BAZ2B: variants seen among roughly 807,000 people sequenced by gnomAD.
The protein encoded by BAZ2B is bromodomain adjacent to zinc finger domain 2B, also known as bromodomain adjacent to zinc finger domain protein 2B.
A neutral mutation model predicts 246.0 loss-of-function variants in BAZ2B; 91 were observed. That is an observed-to-expected ratio of 0.37 (90% confidence interval 0.31 to 0.44). BAZ2B has a LOEUF of 0.44. BAZ2B is among the 20% of genes least tolerant of loss of function. The pLI, the probability that BAZ2B is intolerant of heterozygous loss-of-function variation, is 1.00. For missense variants in BAZ2B, 2,332 were observed against 2,533.7 expected (o/e 0.92, Z 1.71); for synonymous variants, 855 against 860.0 (o/e 0.99, Z 0.10).
chr2:159,512,646 G>A (rs1027846508), intron 2 of BAZ2B, among the ~76,000 whole-genome samples: 1 of 152,132 alleles, frequency 6.6e-6, no homozygotes, highest in Non-Finnish European at 1.5e-5. Context: ...ATTCCAACAA[G>A]CTTGGGTTCA....
chr2:159,323,357 G>A (rs1326970198), intron 36 of BAZ2B, among the ~76,000 whole-genome samples: 9 of 152,060 alleles, frequency 5.9e-5, no homozygotes, highest in Non-Finnish European at 1.2e-4. Flanking sequence ...TGAGGTTTAC[G>A]TTAATCTTTT....
intron 25 of BAZ2B, among the ~76,000 whole-genome samples, chr2:159,378,031 T>C (rs996421573): frequency 2.6e-5 from 4 of 152,192 alleles, no homozygotes; most frequent in East Asian, 1.9e-4. Context: ...TCCCAGTACA[T>C]AGTTGTCCAA....
chr2:159,658,115 T>C, the BAZ2B span, among the ~76,000 whole-genome samples: 3 of 152,180 alleles, frequency 2.0e-5, no homozygotes, highest in African/African-American at 7.2e-5. Context: ...TATTCTCAGT[T>C]TGAAAAAGAT....
At chr2:159,378,104 ACTAATT>A (rs1325535837) in intron 25 of BAZ2B, among the ~76,000 whole-genome samples, 2 of 152,208 alleles carry the variant, frequency 1.3e-5, no homozygotes, top group African/African-American at 2.4e-5. Flanking sequence ...AAAAGAGGCT[ACTAATT>A]CTATGAAAAG....
chr2:159,443,087 T>A (rs995251100), intron 6 of BAZ2B, among the ~76,000 whole-genome samples: 1 of 152,202 alleles, frequency 6.6e-6, no homozygotes, highest in Non-Finnish European at 1.5e-5. Flanking sequence ...ATTCAATTTT[T>A]AATTTTTTGA....
chr2:159,398,874 T>C lies in BAZ2B; in HGVS notation c.2919A>G (p.Glu973=), dbSNP rs1423712847. The C allele has an allele frequency of 6.2e-7, 1 of 1,611,178 alleles. No individual in the cohort carries two copies. Residue 973 remains glutamate (E), a synonymous_variant, in exon 18 of 37, where the codon GAA becomes GAG. Coordinates refer to ENST00000392783, the MANE Select transcript of BAZ2B (RefSeq NM_013450.4). ...CCAATAATTTGGCATTTGCCGCTTC[T>C]TCCTTCTTTTTCTTTTTAGCCTGTG... ...QILEAKKKKK[E]EAANAKLLEA...
chr2:159,547,865 T>G (rs2087596427), intron 2 of BAZ2B, among the ~76,000 whole-genome samples: 1 of 152,202 alleles, frequency 6.6e-6, no homozygotes, highest in Non-Finnish European at 1.5e-5. Flanking sequence ...CAAGGGATTG[T>G]GTAACATTAC....
chr2:159,703,312 T>C, the BAZ2B span, among the ~76,000 whole-genome samples: 2 of 151,806 alleles, frequency 1.3e-5, no homozygotes, highest in Non-Finnish European at 2.9e-5. Flanking sequence ...CAGGCTGGTC[T>C]TGAACTCCTG....
the BAZ2B span, chr2:159,711,960 A>G: frequency 1.3e-5 from 2 of 152,046 alleles, no homozygotes; most frequent in African/African-American, 4.8e-5. Flanking sequence ...ACAGGCTCCA[A>G]CTCTTAAGGG....
intron 2 of BAZ2B, among the ~76,000 whole-genome samples, chr2:159,543,718 T>C (rs2086940823): frequency 6.6e-6 from 1 of 152,192 alleles, no homozygotes; most frequent in East Asian, 1.9e-4. Flanking sequence ...GTATTTTTAG[T>C]AGAGACGAGG....
At chr2:159,614,961 TAAA>T (rs529053374) in intron 1 of BAZ2B, among the ~76,000 whole-genome samples, 1 of 151,682 alleles carries the variant, frequency 6.6e-6, no homozygotes, top group East Asian at 1.9e-4. Flanking sequence ...TCCTCAAAAA[TAAA>T]AAAGAGAGAG....
At chr2:159,377,782 A>G (rs2061560799) in intron 25 of BAZ2B, among the ~76,000 whole-genome samples, 1 of 143,820 alleles carries the variant, frequency 7.0e-6, no homozygotes, top group Non-Finnish European at 1.5e-5. Flanking sequence ...CCTGCACTCC[A>G]GCCTGGGTGA....
At chr2:159,499,676 C>G (rs1176755553) in intron 2 of BAZ2B, among the ~76,000 whole-genome samples, 1 of 152,130 alleles carries the variant, frequency 6.6e-6, no homozygotes, top group Non-Finnish European at 1.5e-5. Context: ...GCAACCTCAC[C>G]AGCATCTGTT....
At chr2:159,591,612 C>T (rs1482108176) in intron 1 of BAZ2B, among the ~76,000 whole-genome samples, 1 of 152,082 alleles carries the variant, frequency 6.6e-6, no homozygotes, top group Non-Finnish European at 1.5e-5. Context: ...GAGGACCTTG[C>T]CATTCCAATA....
intron 1 of BAZ2B, among the ~76,000 whole-genome samples, chr2:159,580,429 T>C (rs1559827121): frequency 6.6e-6 from 1 of 151,992 alleles, no homozygotes; most frequent in Non-Finnish European, 1.5e-5. Flanking sequence ...CACAAACAAA[T>C]AGAAGAACAT....
intron 27 of BAZ2B, among the ~76,000 whole-genome samples, chr2:159,355,977 C>A (rs182110657): frequency 2.0e-5 from 3 of 152,352 alleles, no homozygotes; most frequent in African/African-American, 7.2e-5. Context: ...GCTTTTCCCA[C>A]GGTCTTTGTA....
At chr2:159,641,414 T>C in the BAZ2B span, among the ~76,000 whole-genome samples, 15 of 152,220 alleles carry the variant, frequency 9.9e-5, no homozygotes, top group Non-Finnish European at 2.1e-4. Flanking sequence ...TAGTGGGTTT[T>C]CTTTTCTTGT....
chr2:159,326,505 C>T (rs1023682231), intron 34 of BAZ2B, among the ~76,000 whole-genome samples: 11 of 152,050 alleles, frequency 7.2e-5, no homozygotes, highest in African/African-American at 2.7e-4. Flanking sequence ...GTGAACAAAG[C>T]AGTGGTGAAA....
At chr2:159,440,531 T>TTC (rs2073191636) in intron 6 of BAZ2B, among the ~76,000 whole-genome samples, 2 of 151,472 alleles carry the variant, frequency 1.3e-5, no homozygotes, top group Non-Finnish European at 2.9e-5. Context: ...TTTTTTTTTT[T>TTC]TTTCGGGGAC....
Sources: allele counts gnomAD v4.1 joint callset (sites outside exome capture counted in the v4.1 genomes callset), GRCh38; gene constraint gnomAD v4.1.1; transcripts MANE v1.5; gene names NCBI Gene and HGNC (gene_info 2026-07-23, HGNC 2026-07-21).